Variants in MICU2 observed in about 807,000 individuals in gnomAD.
MICU2 encodes the protein mitochondrial calcium uptake 2.
MICU2 carries 64 observed loss-of-function variants against 60.4 expected under a neutral mutation model. That is an observed-to-expected ratio of 1.06 (90% CI 0.87 to 1.31). The LOEUF (loss-of-function observed/expected upper bound fraction) is 1.31. Among genes scored for constraint, MICU2 ranks in the 50% most tolerant of loss-of-function variants. The probability of loss-of-function intolerance (pLI) is 0.00; values close to 1 mark genes in which losing one functional copy is unlikely to be tolerated. For synonymous variants in MICU2, 201 were observed against 175.0 expected (o/e 1.15, Z -1.17); for missense variants, 569 against 531.0 (o/e 1.07, Z -0.70).
chr13:21,594,525 TG>T (rs966857153), intron 1 of MICU2, among the ~76,000 whole-genome samples: 2 of 152,210 alleles, frequency 1.3e-5, no homozygotes, highest in Admixed American at 6.5e-5. Flanking sequence ...ATCCCATTAC[TG>T]GGTATATAAC....
At chr13:21,565,917 T>C (rs990577979) in intron 2 of MICU2, among the ~76,000 whole-genome samples, 3 of 152,214 alleles carry the variant, frequency 2.0e-5, no homozygotes, top group African/African-American at 7.2e-5. Flanking sequence ...CCCTGCCAAA[T>C]ACCATTCATC....
chr13:21,535,876 A>G (rs1177117093), intron 4 of MICU2, among the ~76,000 whole-genome samples: 1 of 152,240 alleles, frequency 6.6e-6, no homozygotes, highest in African/African-American at 2.4e-5. Context: ...GGAAGGCATT[A>G]CTATCTTATT....
chr13:21,556,302 T>C (rs1380458622), intron 2 of MICU2, among the ~76,000 whole-genome samples: 2 of 152,190 alleles, frequency 1.3e-5, no homozygotes, highest in African/African-American at 4.8e-5. Flanking sequence ...AAATGCTTTC[T>C]TTACTTAAAT....
At chr13:21,563,383 A>C (rs1436454484) in intron 2 of MICU2, among the ~76,000 whole-genome samples, 1 of 151,686 alleles carries the variant, frequency 6.6e-6, no homozygotes, top group Admixed American at 6.6e-5. Flanking sequence ...TGAACCCGGG[A>C]GGTGGAGCTT....
intron 9 of MICU2, among the ~76,000 whole-genome samples, chr13:21,501,002 T>C (rs1886138434): frequency 6.6e-6 from 1 of 152,184 alleles, no homozygotes; most frequent in South Asian, 2.1e-4. Flanking sequence ...AATTTTTTGA[T>C]TCATCCTAAA....
At chr13:21,598,883 G>A (rs113641218) in intron 1 of MICU2, among the ~76,000 whole-genome samples, 1 of 151,888 alleles carries the variant, frequency 6.6e-6, no homozygotes, top group African/African-American at 2.4e-5. Flanking sequence ...ACAACACAGG[G>A]GTCCCTAACC....
intron 2 of MICU2, among the ~76,000 whole-genome samples, chr13:21,542,324 T>C (rs1887303082): frequency 6.6e-6 from 1 of 152,260 alleles, no homozygotes; most frequent in Admixed American, 6.5e-5. Flanking sequence ...CAAGAGCATA[T>C]TAAATACACC....
chr13:21,525,350 G>A (rs1886824778), intron 4 of MICU2, among the ~76,000 whole-genome samples: 1 of 151,400 alleles, frequency 6.6e-6, no homozygotes, highest in African/African-American at 2.4e-5. Flanking sequence ...CCACCACCAC[G>A]CCCGGTTAAT....
chr13:21,561,427 C>T (rs1023055643), intron 2 of MICU2, among the ~76,000 whole-genome samples: 2 of 152,088 alleles, frequency 1.3e-5, no homozygotes, highest in African/African-American at 4.8e-5. Context: ...TCTAAGAACA[C>T]ATCTGTTTCT....
At chr13:21,560,793 T>A (rs1021578344) in intron 2 of MICU2, among the ~76,000 whole-genome samples, 4 of 152,152 alleles carry the variant, frequency 2.6e-5, no homozygotes, top group Non-Finnish European at 5.9e-5. Context: ...CTGTAAAAAT[T>A]TTCAATTTGA....
At position 21,604,012 on chromosome 13, in the gene MICU2, C is replaced by T; in HGVS notation, c.137G>A (p.Gly46Glu). The T allele has an allele frequency of 1.9e-6, 3 of 1,609,676 alleles. No individual in the cohort carries two copies. The highest frequency in any genetic ancestry group is 1.7e-6 in the Non-Finnish European group (2 of 1,178,750). Residue 46 changes from glycine (G) to glutamate (E), a missense_variant, in exon 1 of 12, where the codon GGA (glycine) becomes GAA (glutamate). Gly to Glu is a moderately conservative substitution (Grantham distance 98). Transcript: ENST00000382374. Reference protein sequence around the residue: ...AAAVAGAALAGAGAAWHHSRV... With the variant: ...AAAVAGAALAEAGAAWHHSRV... ...GCTGTGGTGCCAGGCCGCTCCTGCTCCTGCCAGGGCCGCGCCGGCCACTGC... is the reference window on the plus strand; with the variant it reads ...GCTGTGGTGCCAGGCCGCTCCTGCTTCTGCCAGGGCCGCGCCGGCCACTGC...
chr13:21,533,814 C>T (rs1299434992), intron 4 of MICU2, among the ~76,000 whole-genome samples: 1 of 152,254 alleles, frequency 6.6e-6, no homozygotes, highest in East Asian at 1.9e-4. Context: ...TATCCTACTA[C>T]AGTTGCAGGT....
At chr13:21,507,843 T>G (rs1229047812) in intron 8 of MICU2, among the ~76,000 whole-genome samples, 1 of 152,152 alleles carries the variant, frequency 6.6e-6, no homozygotes, top group African/African-American at 2.4e-5. Context: ...GACCTCGTGA[T>G]CTGCCCGCCT....
At position 21,500,484 on chromosome 13, in the gene MICU2, G is replaced by A. The variant is rs373920996; in HGVS notation, c.933+2442C>T. 2.3e-3 allele frequency among the ~76,000 whole-genome samples: 306 copies of A among 131,258 alleles called. 3 individuals carry two copies. The highest frequency in any genetic ancestry group is 8.9e-3 in the African/African-American group (298 of 33,576). The allele number at this position is 131,258 out of a possible 152,430, so 86.1% of individuals were successfully genotyped here. Reference sequence around the variant, plus strand: ...CTCACTGTTGCCCAGGTGTGACCTTGGCTCACTGCAACCTTTGTCTCCCAG... The same window carrying A: ...CTCACTGTTGCCCAGGTGTGACCTTAGCTCACTGCAACCTTTGTCTCCCAG... On this transcript the variant is annotated intron_variant, in intron 9 of 11. Transcript: ENST00000382374.
intron 2 of MICU2, among the ~76,000 whole-genome samples, chr13:21,541,948 G>A (rs192069004): frequency 4.0e-5 from 6 of 151,814 alleles, no homozygotes; most frequent in Admixed American, 2.0e-4. Flanking sequence ...TAATTCAAAT[G>A]GAATAAATAA....
intron 2 of MICU2, among the ~76,000 whole-genome samples, chr13:21,559,824 C>T (rs1011524222): frequency 1.3e-5 from 2 of 151,940 alleles, no homozygotes; most frequent in Non-Finnish European, 2.9e-5. Flanking sequence ...CATGCCCAGC[C>T]CAAAGTAGTA....
rs781089081 is a variant in MICU2 at position 21,496,135 on chromosome 13, G to A, written c.959C>T (p.Ser320Leu). ...GESISLDEFKSFCHFTTHLED... is the reference protein window; with the variant it reads ...GESISLDEFKLFCHFTTHLED... ...CAAGTGGGTTGTAAAATGGCAAAAT[G>A]ACTTGAATTCATCCAAACTAATGCT... is the stretch of plus-strand genomic sequence containing the variant. Residue 320 changes from serine to leucine, a missense_variant, in exon 10 of 12, where the codon TCA becomes TTA. Transcript: ENST00000382374. 1 of 1,613,662 alleles carries A rather than the reference G, an allele frequency of 6.2e-7. No homozygotes were observed. Among genetic ancestry groups the A allele is most frequent in the African/African-American group, 1.3e-5 (1 of 74,904 alleles).
At chr13:21,587,162 G>C (rs1888477995) in intron 1 of MICU2, among the ~76,000 whole-genome samples, 1 of 152,168 alleles carries the variant, frequency 6.6e-6, no homozygotes, top group Non-Finnish European at 1.5e-5. Context: ...GCTTTCAGGA[G>C]ACTGGTTACA....
intron 7 of MICU2, among the ~76,000 whole-genome samples, chr13:21,511,001 C>T (rs1886415634): frequency 6.6e-6 from 1 of 152,098 alleles, no homozygotes; most frequent in Non-Finnish European, 1.5e-5. Context: ...AGAAGGGCTT[C>T]AACGGCTTCT....
Sources: allele counts gnomAD v4.1 joint callset (sites outside exome capture counted in the v4.1 genomes callset), GRCh38; gene constraint gnomAD v4.1.1; transcripts MANE v1.5; gene names NCBI Gene and HGNC (gene_info 2026-07-23, HGNC 2026-07-21).